The following MYO1E variants were observed in gnomAD, a reference collection of about 807,000 sequenced individuals.
MYO1E encodes the protein unconventional myosin-Ie.
In MYO1E, 68 loss-of-function variants were observed where a neutral mutation model predicts 151.1. The ratio of observed to expected loss-of-function variants is 0.45; its 90% CI spans 0.37 to 0.55. The LOEUF (loss-of-function observed/expected upper bound fraction) is 0.55, where lower values mean the gene tolerates loss of function less well. MYO1E is among the 20% of genes least tolerant of loss of function. The probability of loss-of-function intolerance (pLI) is 0.00; values close to 1 mark genes in which losing one functional copy is unlikely to be tolerated. For missense variants in MYO1E, 1,363 were observed against 1,389.3 expected (o/e 0.98, Z 0.30); for synonymous variants, 601 against 501.7 (o/e 1.20, Z -2.64).
intron 10 of MYO1E, among the ~76,000 whole-genome samples, chr15:59,215,512 G>A (rs1259546880): frequency 1.3e-5 from 2 of 152,182 alleles, no homozygotes; most frequent in Non-Finnish European, 2.9e-5. Context: ...CATGGGAACA[G>A]ATGTAATGAC....
intron 6 of MYO1E, among the ~76,000 whole-genome samples, chr15:59,228,456 C>T (rs897546776): frequency 2.6e-5 from 4 of 151,696 alleles, no homozygotes; most frequent in African/African-American, 7.3e-5. Context: ...GGCCAGAGAG[C>T]GAGACTCTGT....
intron 16 of MYO1E, among the ~76,000 whole-genome samples, chr15:59,196,203 C>T (rs879607152): frequency 1.3e-5 from 2 of 152,286 alleles, no homozygotes; most frequent in African/African-American, 2.4e-5. Context: ...TTATCTGTGG[C>T]TGCCAACTTA....
At chr15:59,228,553 G>T (rs748661549) in intron 6 of MYO1E, among the ~76,000 whole-genome samples, 28 of 150,234 alleles carry the variant, frequency 1.9e-4, no homozygotes, top group Middle Eastern at 3.5e-3. Context: ...ATTTAAATTG[G>T]TTTTTTTTTC....
At chr15:59,337,773 A>C (rs1284999013) in intron 1 of MYO1E, among the ~76,000 whole-genome samples, 2 of 152,212 alleles carry the variant, frequency 1.3e-5, no homozygotes, top group African/African-American at 4.8e-5. Flanking sequence ...TGGAGGTTGC[A>C]GTGAGCTGGG....
chr15:59,355,742 C>T (rs2080849391), intron 1 of MYO1E, among the ~76,000 whole-genome samples: 3 of 151,386 alleles, frequency 2.0e-5, no homozygotes, highest in Admixed American at 2.0e-4. Flanking sequence ...TTGAGACAGG[C>T]TCTGACTCTG....
chr15:59,293,683 A>G (rs2080432841), intron 1 of MYO1E, among the ~76,000 whole-genome samples: 1 of 152,224 alleles, frequency 6.6e-6, no homozygotes, highest in Admixed American at 6.5e-5. Context: ...GTGAATTCAG[A>G]AAAGGTAAAT....
intron 1 of MYO1E, among the ~76,000 whole-genome samples, chr15:59,311,307 G>A (rs1416287738): frequency 6.6e-6 from 1 of 152,090 alleles, no homozygotes; most frequent in East Asian, 1.9e-4. Flanking sequence ...ATTCTAATAA[G>A]GAACACGTCA....
chr15:59,337,959 G>A (rs935748938), intron 1 of MYO1E, among the ~76,000 whole-genome samples: 1 of 152,174 alleles, frequency 6.6e-6, no homozygotes, highest in African/African-American at 2.4e-5. Context: ...TCCATGATGT[G>A]GCTAATATGG....
intron 1 of MYO1E, among the ~76,000 whole-genome samples, chr15:59,340,235 AG>A (rs1404395457): frequency 1.3e-5 from 2 of 152,150 alleles, no homozygotes; most frequent in African/African-American, 4.8e-5. Flanking sequence ...GCTTGAACCC[AG>A]GAGATCGAGG....
chr15:59,173,235 A>G (rs536035762), intron 21 of MYO1E, among the ~76,000 whole-genome samples: 3 of 152,348 alleles, frequency 2.0e-5, no homozygotes, highest in African/African-American at 7.2e-5. Context: ...TCTTCTAAAA[A>G]TATTAGGAGA....
At chr15:59,219,250 C>G (rs759249898) in intron 9 of MYO1E, among the ~76,000 whole-genome samples, 6 of 152,118 alleles carry the variant, frequency 3.9e-5, no homozygotes, top group African/African-American at 1.2e-4. Flanking sequence ...CTGGGCAGAA[C>G]GTTCTCATAT....
In MYO1E at chr15:59,231,779, T is replaced by C. The variant is rs749937776; in HGVS notation, c.433A>G (p.Ile145Val). The C allele has an allele frequency of 1.3e-5, 21 of 1,614,040 alleles. No homozygotes were observed. The South Asian group carries it at 2.2e-4, about 17-fold the overall frequency. ...AGCAGCGGGTTGGACTGCAGGATAA[T>C]GTCCTTCACGTGCTGTCCCAGCAAA... ...GGTKVQHVKD[I>V]ILQSNPLLEA... The change falls in exon 6 of 28, where the codon ATT becomes GTT. Residue 145 changes from isoleucine (I) to valine (V), a missense_variant. Transcript: ENST00000288235.
rs1453483753 is a variant in MYO1E at position 59,216,578 on chromosome 15, A to G, written c.1107+1313T>C. ...AATATATATTCATATATAAGAGTTT[A>G]TGTGTGTGTGTGTGTGTATCTATCT... On this transcript the variant is annotated intron_variant, in intron 10 of 27. Coordinates refer to ENST00000288235, the MANE Select transcript of MYO1E (RefSeq NM_004998.4). Among the ~76,000 whole-genome samples the G allele has an allele frequency of 5.5e-5, 6 of 109,446 alleles. No homozygotes were observed. In the South Asian group the frequency reaches 1.6e-3, roughly 29 times the overall value. The allele number at this position is 109,446 out of a possible 152,430, so 71.8% of individuals were successfully genotyped here. A position where few individuals can be genotyped will look rare whatever the true frequency, so the allele number is the denominator to read the frequency against.
chr15:59,301,486 G>A (rs747473057), intron 1 of MYO1E, among the ~76,000 whole-genome samples: 3 of 152,054 alleles, frequency 2.0e-5, no homozygotes, highest in Admixed American at 6.6e-5. Context: ...TCCCCTCACC[G>A]ACTCAACAGC....
At chr15:59,236,465 T>C in intron 5 of MYO1E, 120 bp downstream of exon 5, 1 of 797,294 alleles carries the variant, frequency 1.3e-6, no homozygotes, top group Non-Finnish European at 2.1e-6. Context: ...GATTTCAAGT[T>C]TCACAGTTAT....
chr15:59,302,205 AG>A (rs1239202272), intron 1 of MYO1E, among the ~76,000 whole-genome samples: 3 of 152,188 alleles, frequency 2.0e-5, no homozygotes, highest in African/African-American at 7.2e-5. Flanking sequence ...CGTGCCAATG[AG>A]GGGATCAGTT....
At chr15:59,309,972 G>A (rs1171826111) in intron 1 of MYO1E, among the ~76,000 whole-genome samples, 6 of 151,958 alleles carry the variant, frequency 3.9e-5, no homozygotes, top group Non-Finnish European at 7.4e-5. Context: ...CCCACCCCTC[G>A]ACTACTCCCC....
In MYO1E at chr15:59,290,536, C is replaced by G. The variant is rs139500709; in HGVS notation, c.4-18087G>C. ...CCTTGAAAGCATGCCTCGTAGCCAG[C>G]TTCAAAGTCAGACTCCCCATGCCTG... is the stretch of plus-strand genomic sequence containing the variant. On this transcript the variant is annotated intron_variant, in intron 1 of 27. Transcript: ENST00000288235. 6.4e-3 allele frequency among the ~76,000 whole-genome samples: 979 copies of G among 152,280 alleles called. 4 individuals carry two copies. Among genetic ancestry groups the G allele is most frequent in the Middle Eastern group, 0.014 (4 of 294 alleles).
At chr15:59,147,993 T>G (rs184521889) in intron 26 of MYO1E, among the ~76,000 whole-genome samples, 62 of 152,260 alleles carry the variant, frequency 4.1e-4, no homozygotes, top group African/African-American at 1.5e-3. Flanking sequence ...TCAACCCTGG[T>G]AGAGCATTAA....
Sources: allele counts gnomAD v4.1 joint callset (sites outside exome capture counted in the v4.1 genomes callset), GRCh38; gene constraint gnomAD v4.1.1; transcripts MANE v1.5; gene names NCBI Gene and HGNC (gene_info 2026-07-23, HGNC 2026-07-21).